The following UBE2H variants were observed in gnomAD, a reference collection of about 807,000 sequenced individuals.
The protein encoded by UBE2H is ubiquitin conjugating enzyme E2 H, also known as ubiquitin-conjugating enzyme E2 H.
UBE2H carries 3 observed loss-of-function variants against 29.0 expected under a neutral mutation model. The ratio of observed to expected loss-of-function variants is 0.10; its 90% CI spans 0.05 to 0.27. The LOEUF (loss-of-function observed/expected upper bound fraction) is 0.27. Ranked by LOEUF, UBE2H falls within the 10% of genes least tolerant of loss-of-function variation. The pLI is 1.00. For missense variants in UBE2H, 68 were observed against 228.2 expected (o/e 0.30, Z 4.52); for synonymous variants, 69 against 82.9 (o/e 0.83, Z 0.91).
At chr7:129,845,544 G>T (rs1239339359) in intron 5 of UBE2H, among the ~76,000 whole-genome samples, 1 of 152,202 alleles carries the variant, frequency 6.6e-6, no homozygotes, top group Non-Finnish European at 1.5e-5. Flanking sequence ...AGGCAGAGGT[G>T]TGCCAAACCA....
chr7:129,867,123 T>C (rs1805919753), intron 3 of UBE2H, among the ~76,000 whole-genome samples: 1 of 152,224 alleles, frequency 6.6e-6, no homozygotes. Flanking sequence ...TCTGTCACAC[T>C]AGAAATGGAA....
chr7:129,833,450 T>C lies in UBE2H; in HGVS notation c.*1487A>G, dbSNP rs1471031925. 1 of 152,190 alleles carries C rather than the reference T, an allele frequency of 6.6e-6. No homozygotes were observed. 9.4% of individuals were successfully genotyped at this position (152,190 alleles called of 1,614,324 possible). On this transcript the variant is annotated 3_prime_UTR_variant, in exon 7 of 7. Transcript: ENST00000355621. The stretch of plus-strand genomic sequence containing the variant: ...GCAAAAAAAGAACACAGAGCTGCTG[T>C]CTAAAATTTCTCCAAACTCCCCTCC...
chr7:129,853,230 T>C (rs1247837519), intron 5 of UBE2H, among the ~76,000 whole-genome samples: 1 of 152,060 alleles, frequency 6.6e-6, no homozygotes, highest in Non-Finnish European at 1.5e-5. Flanking sequence ...ATAAAATATA[T>C]TTTGGAGAAA....
intron 1 of UBE2H, among the ~76,000 whole-genome samples, chr7:129,912,840 A>G (rs1013359662): frequency 7.9e-5 from 12 of 152,338 alleles, no homozygotes; most frequent in Non-Finnish European, 1.6e-4. Context: ...TTCAAGTTCA[A>G]CAAGAACTTA....
intron 5 of UBE2H, among the ~76,000 whole-genome samples, chr7:129,843,896 G>A (rs1167688268): frequency 6.6e-6 from 1 of 152,194 alleles, no homozygotes; most frequent in East Asian, 1.9e-4. Flanking sequence ...TAGGTTTTAT[G>A]TTCTGAAGTA....
chr7:129,863,044 T>C (rs534167251), intron 3 of UBE2H, among the ~76,000 whole-genome samples: 1 of 152,316 alleles, frequency 6.6e-6, no homozygotes, highest in East Asian at 1.9e-4. Context: ...CAAATAACTA[T>C]GGTAAGCTTT....
In UBE2H at chr7:129,906,991, G is replaced by A. The variant is rs1806831439; in HGVS notation, c.54-26020C>T. On this transcript the variant is annotated intron_variant, in intron 1 of 6. Coordinates refer to ENST00000355621, the MANE Select transcript of UBE2H (RefSeq NM_003344.4). ...ACATTACTACACATCTATGCTCTGGGACAGACCAAACCTTCAGTCTCTACG... is the reference window on the plus strand; with the variant it reads ...ACATTACTACACATCTATGCTCTGGAACAGACCAAACCTTCAGTCTCTACG... Among the ~76,000 whole-genome samples the A allele has an allele frequency of 2.0e-5, 3 of 152,264 alleles. No homozygotes were observed. The South Asian group carries it at 6.2e-4, about 32-fold the overall frequency.
chr7:129,932,693 G>A (rs1477722038), intron 1 of UBE2H, among the ~76,000 whole-genome samples: 1 of 147,000 alleles, frequency 6.8e-6, no homozygotes, highest in African/African-American at 2.5e-5. Flanking sequence ...AGAATTGCCT[G>A]AACCCGGAAG....
intron 1 of UBE2H, among the ~76,000 whole-genome samples, chr7:129,934,788 A>C (rs892216195): frequency 1.3e-5 from 2 of 150,758 alleles, no homozygotes; most frequent in Middle Eastern, 3.5e-3. Flanking sequence ...ATTTTAAAAA[A>C]CAGTCAGGGT....
intron 1 of UBE2H, among the ~76,000 whole-genome samples, chr7:129,881,548 C>T (rs117913508): frequency 0.064 from 9,688 of 151,778 alleles, 370 homozygotes; most frequent in Non-Finnish European, 0.092. Flanking sequence ...CTCAGGAGGC[C>T]GAGGCAAAAG....
chr7:129,949,288 A>C (rs749490501), intron 1 of UBE2H, among the ~76,000 whole-genome samples: 4 of 152,176 alleles, frequency 2.6e-5, no homozygotes, highest in Non-Finnish European at 4.4e-5. Context: ...CAATCTAAAT[A>C]ATCAGCTGGT....
At chr7:129,845,890 A>G (rs76843721) in intron 5 of UBE2H, among the ~76,000 whole-genome samples, 9,516 of 152,310 alleles carry the variant, frequency 0.062, 369 homozygotes, top group Non-Finnish European at 0.091. Flanking sequence ...AACACACATT[A>G]CTAAAAGTGA....
chr7:129,943,537 T>C (rs1807690614), intron 1 of UBE2H, among the ~76,000 whole-genome samples: 1 of 151,364 alleles, frequency 6.6e-6, no homozygotes, highest in Non-Finnish European at 1.5e-5. Context: ...TGAGTTGAAA[T>C]CGCACCACTG....
At chr7:129,896,857 A>G (rs1806611228) in intron 1 of UBE2H, among the ~76,000 whole-genome samples, 1 of 152,218 alleles carries the variant, frequency 6.6e-6, no homozygotes, top group South Asian at 2.1e-4. Flanking sequence ...CATTCACAGT[A>G]AGCAGTTAAA....
At chr7:129,873,918 G>A (rs1364499624) in intron 3 of UBE2H, among the ~76,000 whole-genome samples, 1 of 152,170 alleles carries the variant, frequency 6.6e-6, no homozygotes, top group Admixed American at 6.5e-5. Context: ...GCTCCTAGTA[G>A]AGGGTCCTCC....
At chr7:129,891,120 A>C (rs1428952449) in intron 1 of UBE2H, among the ~76,000 whole-genome samples, 2 of 147,060 alleles carry the variant, frequency 1.4e-5, no homozygotes, top group Admixed American at 6.8e-5. Context: ...TGGGTGACAG[A>C]GCAAGACTCT....
In UBE2H at chr7:129,834,823, C is replaced by A. The variant is rs1323495312; in HGVS notation, c.*114G>T. On this transcript the variant is annotated 3_prime_UTR_variant, in exon 7 of 7. Coordinates refer to ENST00000355621, the MANE Select transcript of UBE2H (RefSeq NM_003344.4). ...ATATATATATATCAATGCTATTATT[C>A]ATAAAAACCTTGTTTAGTAATAAAA... The A allele has an allele frequency of 2.4e-6, 3 of 1,231,022 alleles. No homozygotes were observed. The highest frequency in any genetic ancestry group is 1.5e-5 in the South Asian group (1 of 65,944). The allele number at this position is 1,231,022 out of a possible 1,614,324, so 76.3% of individuals were successfully genotyped here. A position where few individuals can be genotyped will look rare whatever the true frequency, so the allele number is the denominator to read the frequency against.
chr7:129,917,102 G>A (rs1316131184), intron 1 of UBE2H, among the ~76,000 whole-genome samples: 2 of 151,760 alleles, frequency 1.3e-5, no homozygotes, highest in African/African-American at 2.4e-5. Flanking sequence ...CTACTGGCAG[G>A]AGAATTGCTT....
chr7:129,847,112 T>C (rs1805526458), intron 5 of UBE2H, among the ~76,000 whole-genome samples: 2 of 152,236 alleles, frequency 1.3e-5, no homozygotes, highest in South Asian at 4.1e-4. Context: ...AGTGGCACAA[T>C]CTCAGCTCAC....
Sources: gnomAD v4.1 joint callset for allele counts (sites outside exome capture counted in the v4.1 genomes callset) on GRCh38, gnomAD v4.1.1 for gene constraint, MANE v1.5 for transcripts, NCBI Gene and HGNC (gene_info 2026-07-23, HGNC 2026-07-21) for gene names.